The following SCAPER variants were observed in gnomAD, a reference collection of about 807,000 sequenced individuals.
SCAPER encodes S-phase cyclin A associated protein in the ER.
In SCAPER, 98 loss-of-function variants were observed where a neutral mutation model predicts 182.2. The ratio of observed to expected loss-of-function variants is 0.54; its 90% CI spans 0.46 to 0.64. SCAPER has a LOEUF of 0.64. Ranked by LOEUF, SCAPER falls within the 30% of genes least tolerant of loss-of-function variation. The pLI is 0.00. For missense variants in SCAPER, 1,432 were observed against 1,690.0 expected (o/e 0.85, Z 2.68); for synonymous variants, 605 against 564.6 (o/e 1.07, Z -1.01).
intron 27 of SCAPER, among the ~76,000 whole-genome samples, chr15:76,392,798 A>G (rs904162688): frequency 6.6e-6 from 1 of 152,140 alleles, no homozygotes; most frequent in African/African-American, 2.4e-5. Context: ...CTTCAACATA[A>G]TATTACACAC....
At chr15:76,481,636 G>A (rs2051151572) in intron 24 of SCAPER, among the ~76,000 whole-genome samples, 1 of 152,272 alleles carries the variant, frequency 6.6e-6, no homozygotes, top group African/African-American at 2.4e-5. Context: ...CCAGAATTTT[G>A]TTACTAAGAA....
intron 17 of SCAPER, among the ~76,000 whole-genome samples, chr15:76,715,392 C>A (rs549962851): frequency 6.6e-6 from 1 of 152,076 alleles, no homozygotes; most frequent in Non-Finnish European, 1.5e-5. Flanking sequence ...AGAAGCTCGG[C>A]TGAGCTGTGA....
chr15:76,720,050 G>C (rs1371385530), intron 17 of SCAPER, among the ~76,000 whole-genome samples: 2 of 150,800 alleles, frequency 1.3e-5, no homozygotes, highest in African/African-American at 4.9e-5. Context: ...TTTAGCATTA[G>C]GTATATCTCC....
chr15:76,652,311 C>T (rs2956388), intron 21 of SCAPER, among the ~76,000 whole-genome samples: 267 of 18,380 alleles, frequency 0.015, 1 homozygote, highest in Middle Eastern at 0.028. Context: ...TATATATATA[C>T]ACACACACAC....
At chr15:76,839,970 G>C (rs1440067926) in intron 5 of SCAPER, among the ~76,000 whole-genome samples, 2 of 152,092 alleles carry the variant, frequency 1.3e-5, no homozygotes, top group African/African-American at 4.8e-5. Context: ...CTGCTGCTTT[G>C]ATTAATCTCT....
Position 76,857,106 on chromosome 15 carries a change from T to C in SCAPER, c.195+703A>G, listed in dbSNP as rs573934245. Among the ~76,000 whole-genome samples the C allele has an allele frequency of 6.6e-5, 10 of 152,204 alleles. 1 individual carries two copies. Among genetic ancestry groups the C allele is most frequent in the African/African-American group, 2.4e-4 (10 of 41,524 alleles). ...AAAGAACTGGCAAACATTGAAGGCA[T>C]AGCAGAGGAGCTAAGAGCATAAACT... On this transcript the variant is annotated intron_variant, in intron 4 of 31. Transcript: ENST00000563290.
At chr15:76,902,956 G>C (rs2074874907) in intron 1 of SCAPER, among the ~76,000 whole-genome samples, 1 of 151,872 alleles carries the variant, frequency 6.6e-6, no homozygotes, top group African/African-American at 2.4e-5. Flanking sequence ...AGCTACTCAG[G>C]AAGCTGAGGC....
chr15:76,652,371 C>CACACACATATATATATATAT (rs764864981), intron 21 of SCAPER, among the ~76,000 whole-genome samples: 3 of 8,060 alleles, frequency 3.7e-4, no homozygotes, highest in Non-Finnish European at 6.4e-4. Flanking sequence ...CACACACACA[C>CACACACATATATATATATAT]ATATATATAT....
intron 5 of SCAPER, among the ~76,000 whole-genome samples, chr15:76,811,237 C>T (rs1598861220): frequency 6.6e-6 from 1 of 151,260 alleles, no homozygotes; most frequent in East Asian, 1.9e-4. Context: ...GGGCAGATCA[C>T]AAAACAAGTT....
At chr15:76,383,764 T>C (rs2043119112) in intron 27 of SCAPER, among the ~76,000 whole-genome samples, 1 of 152,222 alleles carries the variant, frequency 6.6e-6, no homozygotes, top group Admixed American at 6.5e-5. Context: ...GCTTTGTCCA[T>C]GGACCAAAAT....
At chr15:76,570,323 T>A (rs2047348519) in intron 23 of SCAPER, among the ~76,000 whole-genome samples, 1 of 152,096 alleles carries the variant, frequency 6.6e-6, no homozygotes, top group Admixed American at 6.6e-5. Flanking sequence ...TGCCAACATT[T>A]TTTTTTTTCT....
chr15:76,378,568 C>T (rs1376027263), intron 28 of SCAPER, among the ~76,000 whole-genome samples: 1 of 152,208 alleles, frequency 6.6e-6, no homozygotes, highest in Non-Finnish European at 1.5e-5. Flanking sequence ...TTGATCACGT[C>T]CATCTACATA....
chr15:76,359,558 C>T (rs2041251093), intron 29 of SCAPER, among the ~76,000 whole-genome samples: 1 of 152,232 alleles, frequency 6.6e-6, no homozygotes, highest in Admixed American at 6.5e-5. Context: ...GCTTGTCAAC[C>T]TGAAAACAGA....
At chr15:76,753,668 A>T in intron 15 of SCAPER, 140 bp downstream of exon 15, 1 of 899,516 alleles carries the variant, frequency 1.1e-6, no homozygotes, top group Non-Finnish European at 1.6e-6. Flanking sequence ...GCACCTGGTA[A>T]GTTTTAAATG....
intron 22 of SCAPER, among the ~76,000 whole-genome samples, chr15:76,614,483 G>A (rs2051280686): frequency 6.6e-6 from 1 of 152,148 alleles, no homozygotes; most frequent in South Asian, 2.1e-4. Context: ...TGTATTCTCT[G>A]ACCACAACAG....
In SCAPER at chr15:76,408,007, A is replaced by G. The variant is rs184440571; in HGVS notation, c.3312-3328T>C. 1.0e-3 allele frequency among the ~76,000 whole-genome samples: 157 copies of G among 152,316 alleles called. 3 individuals carry two copies. The highest frequency in any genetic ancestry group is 3.7e-3 in the African/African-American group (154 of 41,572). On this transcript the variant is annotated intron_variant, in intron 26 of 31. Coordinates refer to ENST00000563290, the MANE Select transcript of SCAPER (RefSeq NM_020843.4). ...AACAAAACCACAACATCATTATCAC[A>G]TCTAAAAATCACCATTTCTTAATAT...
chr15:76,704,246 C>T (rs1347306447), intron 18 of SCAPER, among the ~76,000 whole-genome samples: 3 of 152,076 alleles, frequency 2.0e-5, no homozygotes, highest in East Asian at 1.9e-4. Context: ...GAGTAGGTTG[C>T]GAGAATTTTC....
At chr15:76,378,452 A>G (rs1038367054) in intron 28 of SCAPER, among the ~76,000 whole-genome samples, 1 of 152,190 alleles carries the variant, frequency 6.6e-6, no homozygotes, top group Non-Finnish European at 1.5e-5. Flanking sequence ...CTAGAATATG[A>G]GTTTCTCTGA....
intron 23 of SCAPER, among the ~76,000 whole-genome samples, chr15:76,566,284 A>G (rs993037395): frequency 6.6e-6 from 1 of 152,156 alleles, no homozygotes; most frequent in African/African-American, 2.4e-5. Flanking sequence ...AAAGCATGGC[A>G]TGGTTTGCTA....
Sources: allele counts gnomAD v4.1 joint callset (sites outside exome capture counted in the v4.1 genomes callset), GRCh38; gene constraint gnomAD v4.1.1; transcripts MANE v1.5; gene names NCBI Gene and HGNC (gene_info 2026-07-23, HGNC 2026-07-21).